HYKK: variants seen among roughly 807,000 people sequenced by gnomAD.
The protein encoded by HYKK is 5-hydroxy-L-lysine kinase.
A neutral mutation model predicts 29.7 loss-of-function variants in HYKK; 19 were observed. That is an observed-to-expected ratio of 0.64 (90% CI 0.45 to 0.94). The LOEUF (loss-of-function observed/expected upper bound fraction) is 0.94, where lower values mean the gene tolerates loss of function less well. HYKK is among the 40% of genes least tolerant of loss of function. The probability of loss-of-function intolerance (pLI) is 0.00; values close to 1 mark genes in which losing one functional copy is unlikely to be tolerated. For missense variants in HYKK, 390 were observed against 443.4 expected (o/e 0.88, Z 1.08); for synonymous variants, 152 against 158.1 (o/e 0.96, Z 0.29).
intron 3 of HYKK, among the ~76,000 whole-genome samples, chr15:78,522,558 CAAAAAAAAAAAA>C (rs746784955): frequency 2.3e-5 from 1 of 42,744 alleles, no homozygotes; most frequent in Non-Finnish European, 5.1e-5. Flanking sequence ...GACTCCGTCT[CAAAAAAAAAAAA>C]AAAAAAAAAA....
In HYKK at chr15:78,513,444, G is replaced by T; in HGVS notation, c.337+19G>T. On this transcript the variant is annotated intron_variant, in intron 2 of 4. Transcript: ENST00000388988. ...TCTGTAGGTAAGAGATGACCAATTCGCCGATCCATTACCTATCCAGACACA... is the reference window on the plus strand; with the variant it reads ...TCTGTAGGTAAGAGATGACCAATTCTCCGATCCATTACCTATCCAGACACA... The T allele has an allele frequency of 6.4e-7, 1 of 1,559,030 alleles. No individual in the cohort carries two copies. Among genetic ancestry groups the T allele is most frequent in the South Asian group, 1.1e-5 (1 of 87,558 alleles).
In HYKK at chr15:78,512,289, CTG is replaced by C. The variant is rs1170178720; in HGVS notation, c.-5-793_-5-792del. Among the ~76,000 whole-genome samples, 4 of 151,854 alleles carry C rather than the reference CTG, an allele frequency of 2.6e-5. No individual in the cohort carries two copies. The East Asian group carries it at 7.7e-4, about 29-fold the overall frequency. On this transcript the variant is annotated intron_variant, in intron 1 of 4. Coordinates refer to ENST00000388988, the MANE Select transcript of HYKK (RefSeq NM_001013619.4). ...ACCAAACTGTTACTATAAAAGATCA[CTG>C]TATTTGAATTTATTGTTTAACCTAA...
Position 78,515,092 on chromosome 15 carries a change from G to GGAT in HYKK, c.463_465dup (p.Asp155dup), listed in dbSNP as rs1218512663. ...AAATTGGAAAACTAGCTGCCAAATTGGATAAGACACTGCAGGTAAGATTTG... is the reference window on the plus strand; with the variant it reads ...AAATTGGAAAACTAGCTGCCAAATTGGATGATAAGACACTGCAGGTAAGATTTG... On this transcript the variant is annotated inframe_insertion, in exon 3 of 5. Transcript: ENST00000388988. 6.3e-7 allele frequency: 1 copy of GGAT among 1,588,650 alleles called. No individual in the cohort carries two copies. The highest frequency in any genetic ancestry group is 2.3e-5 in the East Asian group (1 of 43,064).
At chr15:78,527,742 C>G (rs2052270218) in intron 4 of HYKK, 179 bp downstream of exon 4, 1 of 1,366,180 alleles carries the variant, frequency 7.3e-7, no homozygotes, top group Non-Finnish European at 9.4e-7. Flanking sequence ...CATTTGAAGC[C>G]TCCTCTAAAC....
intron 4 of HYKK, 142 bp downstream of exon 4, chr15:78,527,705 A>T: frequency 7.1e-7 from 1 of 1,402,682 alleles, no homozygotes; most frequent in Non-Finnish European, 9.2e-7. Context: ...TTAAATAATA[A>T]TATTTTTACT....
At chr15:78,530,750 C>G (rs1346988051) in intron 4 of HYKK, among the ~76,000 whole-genome samples, 1 of 152,024 alleles carries the variant, frequency 6.6e-6, no homozygotes, top group Non-Finnish European at 1.5e-5. Context: ...ACTATGTTGC[C>G]CAGGCTGGTC....
chr15:78,513,040 T>A (rs1166796460), intron 1 of HYKK, 44 bp from the exon 2 acceptor site: 1 of 981,078 alleles, frequency 1.0e-6, no homozygotes, highest in East Asian at 2.4e-5. Context: ...ATAAATATAT[T>A]CATCCTGTGT....
At chr15:78,519,121 C>G (rs1002454102) in intron 3 of HYKK, among the ~76,000 whole-genome samples, 1 of 152,094 alleles carries the variant, frequency 6.6e-6, no homozygotes, top group African/African-American at 2.4e-5. Flanking sequence ...TTCTCTGAAC[C>G]ATTTATTCCA....
At chr15:78,531,477 T>A (rs996965633) in intron 4 of HYKK, among the ~76,000 whole-genome samples, 1 of 152,186 alleles carries the variant, frequency 6.6e-6, no homozygotes, top group Non-Finnish European at 1.5e-5. Flanking sequence ...AATCCTACTA[T>A]GATTACAGAT....
At chr15:78,518,020 T>C (rs2052154277) in intron 3 of HYKK, among the ~76,000 whole-genome samples, 2 of 152,174 alleles carry the variant, frequency 1.3e-5, no homozygotes, top group Admixed American at 6.5e-5. Context: ...TCTGCAGCTC[T>C]CCCATCCCTG....
At chr15:78,517,779 T>C (rs1160512439) in intron 3 of HYKK, among the ~76,000 whole-genome samples, 2 of 152,158 alleles carry the variant, frequency 1.3e-5, no homozygotes, top group Non-Finnish European at 2.9e-5. Flanking sequence ...AGGACCAATT[T>C]ACTACTGATC....
rs1163362811 is a variant in HYKK, at chr15:78,520,988, G to A, written c.477+5881G>A. On this transcript the variant is annotated intron_variant, in intron 3 of 4. Transcript: ENST00000388988. Reference sequence around the variant, plus strand: ...GGGCTGACCCCCCCACCTCCCTCCCGGACGGGGCGGCTGAGGAGCTGAGTT... The same window carrying A: ...GGGCTGACCCCCCCACCTCCCTCCCAGACGGGGCGGCTGAGGAGCTGAGTT... 4.6e-5 allele frequency among the ~76,000 whole-genome samples: 7 copies of A among 151,630 alleles called. 1 individual carries two copies. The highest frequency in any genetic ancestry group is 4.2e-4 in the South Asian group (2 of 4,746).
At chr15:78,514,889 C>CCTCTCTCTCT (rs148681032) in intron 2 of HYKK, 79 bp from the exon 3 acceptor site, 23,674 of 206,368 alleles carry the variant, frequency 0.11, 1,158 homozygotes, top group South Asian at 0.26. Flanking sequence ...TATCTAAATA[C>CCTCTCTCTCT]CTCTCTCTCT....
At chr15:78,509,240 T>C (rs2052047702) in intron 1 of HYKK, among the ~76,000 whole-genome samples, 1 of 152,206 alleles carries the variant, frequency 6.6e-6, no homozygotes, top group African/African-American at 2.4e-5. Flanking sequence ...CATGGAATAC[T>C]AGAGCTAGAG....
At chr15:78,530,894 G>A (rs2052305520) in intron 4 of HYKK, among the ~76,000 whole-genome samples, 1 of 152,018 alleles carries the variant, frequency 6.6e-6, no homozygotes, top group South Asian at 2.1e-4. Context: ...TTTTAAGACA[G>A]AGTCTCACTC....
At chr15:78,513,818 G>T (rs953729745) in intron 2 of HYKK, among the ~76,000 whole-genome samples, 2 of 152,228 alleles carry the variant, frequency 1.3e-5, no homozygotes, top group Middle Eastern at 3.4e-3. Flanking sequence ...TGAGACAGGG[G>T]TCTCACTCTA....
intron 1 of HYKK, among the ~76,000 whole-genome samples, chr15:78,508,880 C>CAAAAAAAAAAAAAAAA (rs71148531): frequency 3.6e-5 from 2 of 55,614 alleles, no homozygotes; most frequent in Admixed American, 3.0e-4. Flanking sequence ...CCTCTCTCTC[C>CAAAAAAAAAAAAAAAA]AAAAAAAAAA....
Position 78,533,690 on chromosome 15 carries a change from C to A in HYKK, c.*20C>A. On this transcript the variant is annotated 3_prime_UTR_variant, in exon 5 of 5. Coordinates refer to ENST00000388988, the MANE Select transcript of HYKK (RefSeq NM_001013619.4). ...ATGTGACTGAGATCTCCATGTGACT[C>A]AAAGTTCACTTTAACTTGGGTAATT... 6.4e-7 allele frequency: 1 copy of A among 1,558,102 alleles called. No individual in the cohort carries two copies.
At chr15:78,517,808 G>A (rs574156775) in intron 3 of HYKK, among the ~76,000 whole-genome samples, 1 of 152,260 alleles carries the variant, frequency 6.6e-6, no homozygotes, top group East Asian at 1.9e-4. Flanking sequence ...TCAGTGTCCT[G>A]TGAGCTGTGA....
Sources: allele counts gnomAD v4.1 joint callset (sites outside exome capture counted in the v4.1 genomes callset), GRCh38; gene constraint gnomAD v4.1.1; transcripts MANE v1.5; gene names NCBI Gene and HGNC (gene_info 2026-07-23, HGNC 2026-07-21).